ZFYVE1: variants seen among roughly 807,000 people sequenced by gnomAD.
ZFYVE1 encodes zinc finger FYVE-type containing 1.
In ZFYVE1, 30 loss-of-function variants were observed where a neutral mutation model predicts 74.4. The ratio of observed to expected loss-of-function variants is 0.40; its 90% CI spans 0.30 to 0.55. The LOEUF is 0.55. Ranked by LOEUF, ZFYVE1 falls within the 20% of genes least tolerant of loss-of-function variation. ZFYVE1 has a pLI of 0.42. For missense variants in ZFYVE1, 703 were observed against 1,011.6 expected (o/e 0.69, Z 4.14); for synonymous variants, 335 against 385.1 (o/e 0.87, Z 1.52).
intron 1 of ZFYVE1, among the ~76,000 whole-genome samples, chr14:73,026,323 T>G (rs1261950178): frequency 6.6e-6 from 1 of 152,168 alleles, no homozygotes; most frequent in Non-Finnish European, 1.5e-5. Flanking sequence ...GACAATTATA[T>G]TCCTAATTCC....
In ZFYVE1 at chr14:72,970,345, C is replaced by A. The variant is rs1892998779; in HGVS notation, c.*537G>T. 1.2e-5 allele frequency: 2 copies of A among 166,110 alleles called. No homozygotes were observed. Among genetic ancestry groups the A allele is most frequent in the South Asian group, 2.9e-4 (2 of 6,854 alleles). The allele number at this position is 166,110 out of a possible 1,614,324, so 10.3% of individuals were successfully genotyped here. On this transcript the variant is annotated 3_prime_UTR_variant, in exon 12 of 12. Transcript: ENST00000556143. ...AGAATTCCCTTCAGGCTGTTTCAGG[C>A]AGGAAGGACCAGGGAGGCTCACTCC...
chr14:73,006,709 CTTTTTTTTTTT>C (rs35364666), intron 2 of ZFYVE1, among the ~76,000 whole-genome samples: 2,213 of 77,812 alleles, frequency 0.028, 91 homozygotes, highest in African/African-American at 0.092. Context: ...ACCCCAGTTC[CTTTTTTTTTTT>C]TTTTTTTTTT....
intron 2 of ZFYVE1, 30 bp downstream of exon 2, chr14:73,023,996 A>G (rs1003423127): frequency 6.2e-7 from 1 of 1,601,854 alleles, no homozygotes; most frequent in African/African-American, 1.3e-5. Flanking sequence ...GCTCCACTAC[A>G]CATGAATCCC....
chr14:72,977,797 G>A (rs1049330246), intron 8 of ZFYVE1, 130 bp downstream of exon 8: 1 of 941,614 alleles, frequency 1.1e-6, no homozygotes, highest in Non-Finnish European at 1.6e-6. Context: ...TCCAGATCAT[G>A]CCTTTCTAAA....
intron 5 of ZFYVE1, 173 bp from the exon 6 acceptor site, chr14:72,979,142 C>G (rs997682046): frequency 1.7e-6 from 1 of 600,808 alleles, no homozygotes; most frequent in East Asian, 2.9e-5. Context: ...CTCTTTGTTA[C>G]ACTTGCAATC....
At chr14:72,978,531 C>T (rs1893235433) in intron 6 of ZFYVE1, among the ~76,000 whole-genome samples, 1 of 123,436 alleles carries the variant, frequency 8.1e-6, no homozygotes, top group African/African-American at 3.2e-5. Context: ...TGTGCCACTG[C>T]ACTCCAGCCT....
chr14:73,017,722 G>A (rs1894230560), intron 2 of ZFYVE1, among the ~76,000 whole-genome samples: 1 of 151,700 alleles, frequency 6.6e-6, no homozygotes, highest in South Asian at 2.1e-4. Flanking sequence ...CCCCATCTCA[G>A]TAACACCAAA....
At chr14:72,997,731 A>G in intron 3 of ZFYVE1, 80 bp downstream of exon 3, 1 of 1,496,112 alleles carries the variant, frequency 6.7e-7, no homozygotes, top group Non-Finnish European at 9.0e-7. Context: ...TCCACTACCA[A>G]CAAGTTGCTA....
intron 2 of ZFYVE1, among the ~76,000 whole-genome samples, chr14:73,023,139 T>A (rs1472908652): frequency 1.4e-5 from 2 of 143,012 alleles, no homozygotes; most frequent in Non-Finnish European, 1.5e-5. Flanking sequence ...CCAGCCTGGG[T>A]GACAGAGCGA....
chr14:72,976,371 C>T (rs111852123), intron 8 of ZFYVE1, among the ~76,000 whole-genome samples: 5 of 152,192 alleles, frequency 3.3e-5, no homozygotes, highest in Middle Eastern at 3.4e-3. Flanking sequence ...TATAAGGCCA[C>T]GTTAAATCCT....
chr14:72,999,461 C>T (rs1338960864), intron 2 of ZFYVE1, among the ~76,000 whole-genome samples: 1 of 152,026 alleles, frequency 6.6e-6, no homozygotes, highest in South Asian at 2.1e-4. Context: ...TGAGTGCATG[C>T]CTGTAGTCCC....
chr14:73,025,062 CTTTT>C (rs910290070), intron 1 of ZFYVE1, 120 bp from the exon 2 acceptor site: 4 of 140,370 alleles, frequency 2.8e-5, no homozygotes, highest in African/African-American at 7.7e-5. Context: ...TCTCATTCCT[CTTTT>C]TTTTCTTTTT....
rs147210042 is a variant in ZFYVE1, at chr14:72,986,860, T to C, written c.1204-4965A>G. On this transcript the variant is annotated intron_variant, in intron 4 of 11. Coordinates refer to ENST00000556143, the MANE Select transcript of ZFYVE1 (RefSeq NM_021260.4). ...TTTTCTTTACATACCACCTGATCCA[T>C]ATACTTATTAGCAGGTTCAAAAATT... 373 of 984,664 alleles carry C rather than the reference T, an allele frequency of 3.8e-4. 5 individuals carry two copies. In the African/African-American group the frequency reaches 5.9e-3, roughly 16 times the overall value. The allele number at this position is 984,664 out of a possible 1,614,324, so 61.0% of individuals were successfully genotyped here. A position where few individuals can be genotyped will look rare whatever the true frequency, so the allele number is the denominator to read the frequency against.
chr14:72,995,113 C>T (rs942813395), intron 3 of ZFYVE1, among the ~76,000 whole-genome samples: 3 of 152,002 alleles, frequency 2.0e-5, no homozygotes, highest in South Asian at 2.1e-4. Context: ...CTTTTTGAGA[C>T]GAAGTCTCAC....
chr14:72,987,428 G>A (rs776372324), intron 4 of ZFYVE1, among the ~76,000 whole-genome samples: 2 of 152,178 alleles, frequency 1.3e-5, no homozygotes, highest in Admixed American at 1.3e-4. Context: ...TTAGCCAGGT[G>A]TGGTGGCGTG....
In ZFYVE1 at chr14:72,969,889, C is replaced by T. The variant is rs1417780366; in HGVS notation, c.*993G>A. On this transcript the variant is annotated 3_prime_UTR_variant, in exon 12 of 12. Transcript: ENST00000556143. ...TAACAGTTCATCCTGTGCTCAGTTT[C>T]CCTGGAAGGTTTCTCATGATCGCCC... is the stretch of plus-strand genomic sequence containing the variant. 6.5e-6 allele frequency: 4 copies of T among 611,710 alleles called. No individual in the cohort carries two copies. The highest frequency in any genetic ancestry group is 5.8e-5 in the Admixed American group (2 of 34,770). The allele number at this position is 611,710 out of a possible 1,614,324, so 37.9% of individuals were successfully genotyped here. A position where few individuals can be genotyped will look rare whatever the true frequency, so the allele number is the denominator to read the frequency against.
intron 3 of ZFYVE1, among the ~76,000 whole-genome samples, chr14:72,995,214 C>T (rs540419222): frequency 6.6e-6 from 1 of 152,290 alleles, no homozygotes; most frequent in South Asian, 2.1e-4. Context: ...CCTGCCTCAG[C>T]CTCCTGAGTA....
At chr14:73,004,460 C>CTATA (rs34805449) in intron 2 of ZFYVE1, among the ~76,000 whole-genome samples, 2,404 of 150,134 alleles carry the variant, frequency 0.016, 38 homozygotes, top group African/African-American at 0.036. Context: ...AAATGATGTA[C>CTATA]TATATATATA....
At chr14:72,977,830 GGTTAACCTTAATTTTAA>G in intron 8 of ZFYVE1, 80 bp downstream of exon 8, 1 of 1,299,558 alleles carries the variant, frequency 7.7e-7, no homozygotes, top group East Asian at 2.4e-5. Flanking sequence ...TGAAATTCAT[GGTTAACCTTAATTTTAA>G]GCAGGTTCCA....
Sources: allele counts gnomAD v4.1 joint callset (sites outside exome capture counted in the v4.1 genomes callset), GRCh38; gene constraint gnomAD v4.1.1; transcripts MANE v1.5; gene names NCBI Gene and HGNC (gene_info 2026-07-23, HGNC 2026-07-21).